The following HIPK2 variants were observed in gnomAD, a reference collection of about 807,000 sequenced individuals.
HIPK2 encodes homeodomain interacting protein kinase 2.
A neutral mutation model predicts 113.7 loss-of-function variants in HIPK2; 27 were observed. The ratio of observed to expected loss-of-function variants is 0.24; its 90% CI spans 0.17 to 0.33. The LOEUF (loss-of-function observed/expected upper bound fraction) is 0.33, where lower values mean the gene tolerates loss of function less well. HIPK2 is among the 10% of genes least tolerant of loss of function. The probability of loss-of-function intolerance (pLI) is 1.00; values close to 1 mark genes in which losing one functional copy is unlikely to be tolerated. For synonymous variants in HIPK2, 631 were observed against 642.2 expected (o/e 0.98, Z 0.26); for missense variants, 1,257 against 1,588.0 (o/e 0.79, Z 3.54).
chr7:139,596,740 C>G lies in HIPK2; in HGVS notation c.2694G>C (p.Glu898Asp). The change falls in exon 12 of 15, where the codon GAG (glutamate) becomes GAC (aspartate). Residue 898 changes from glutamate (E) to aspartate (D), a missense_variant. Glu to Asp is a conservative substitution (Grantham distance 45, BLOSUM62 2). Around this residue, in one of 5 missense-constraint regions of HIPK2, gnomAD observed 862 missense variants for 1,004.3 expected, o/e 0.86. Transcript: ENST00000406875. ...ITISSDTDEE[E>D]EQKHAPTSTV... ...ACCTGGTGGGGGCGTGTTTCTGTTC[C>G]TCCTCCTCGTCCGTGTCACTGCTGA... The G allele has an allele frequency of 6.2e-7, 1 of 1,612,018 alleles. No individual in the cohort carries two copies. The highest frequency in any genetic ancestry group is 8.5e-7 in the Non-Finnish European group (1 of 1,178,142).
At chr7:139,754,686 G>A (rs1585457210) in intron 1 of HIPK2, among the ~76,000 whole-genome samples, 1 of 152,214 alleles carries the variant, frequency 6.6e-6, no homozygotes, top group Admixed American at 6.5e-5. Flanking sequence ...CTAAGAGCCT[G>A]AGAAAACACC....
At chr7:139,686,847 T>C (rs1436685730) in intron 2 of HIPK2, among the ~76,000 whole-genome samples, 2 of 152,268 alleles carry the variant, frequency 1.3e-5, no homozygotes, top group Non-Finnish European at 2.9e-5. Context: ...AGTTCTACTG[T>C]GGCTCAAATG....
chr7:139,717,909 A>G (rs913396509), intron 1 of HIPK2, among the ~76,000 whole-genome samples: 4 of 151,844 alleles, frequency 2.6e-5, no homozygotes, highest in African/African-American at 9.7e-5. Context: ...ACGCCCGACT[A>G]ATTTTTGAAT....
intron 2 of HIPK2, among the ~76,000 whole-genome samples, chr7:139,710,026 A>G (rs1795015774): frequency 6.6e-6 from 1 of 152,164 alleles, no homozygotes; most frequent in Admixed American, 6.5e-5. Context: ...CTGAGTAACA[A>G]CAGTTGTCTC....
intron 10 of HIPK2, among the ~76,000 whole-genome samples, chr7:139,602,984 G>A (rs1337823074): frequency 6.6e-6 from 1 of 152,136 alleles, no homozygotes; most frequent in African/African-American, 2.4e-5. Context: ...CTGTTGCCCA[G>A]GCTGGAGTGG....
chr7:139,764,354 C>A (rs563195689), intron 1 of HIPK2, among the ~76,000 whole-genome samples: 2 of 152,100 alleles, frequency 1.3e-5, no homozygotes, highest in East Asian at 1.9e-4. Flanking sequence ...GTGTTCCTGG[C>A]GACTTTAGAG....
intron 1 of HIPK2, among the ~76,000 whole-genome samples, chr7:139,733,872 C>T (rs1299096472): frequency 6.6e-6 from 1 of 152,174 alleles, no homozygotes. Flanking sequence ...CCTTATATTA[C>T]GGTAACCAAC....
chr7:139,581,715 G>C (rs755412147), intron 13 of HIPK2, among the ~76,000 whole-genome samples: 1 of 152,146 alleles, frequency 6.6e-6, no homozygotes, highest in South Asian at 2.1e-4. Flanking sequence ...CTGCTTTCCC[G>C]ACTTTTCCAA....
intron 1 of HIPK2, among the ~76,000 whole-genome samples, chr7:139,724,098 T>C (rs961654966): frequency 6.6e-5 from 10 of 151,600 alleles, no homozygotes; most frequent in African/African-American, 2.4e-4. Flanking sequence ...ATTATGCACA[T>C]AAGACATAAC....
intron 2 of HIPK2, among the ~76,000 whole-genome samples, chr7:139,692,575 G>T (rs999834454): frequency 6.6e-6 from 1 of 152,168 alleles, no homozygotes; most frequent in African/African-American, 2.4e-5. Context: ...AGAATTTGGG[G>T]TGGGGGAATG....
In HIPK2 at chr7:139,723,095, T is replaced by C. The variant is rs138115051; in HGVS notation, c.20-6080A>G. 7.9e-3 allele frequency among the ~76,000 whole-genome samples: 1,210 copies of C among 152,246 alleles called. 18 individuals are homozygous for C. Among genetic ancestry groups the C allele is most frequent in the African/African-American group, 0.027 (1,135 of 41,552 alleles). ...TCTTAATGGTTTAATGAGAAATTCA[T>C]TGGTCTGGGGCTACAAATAATGTAA... On this transcript the variant is annotated intron_variant, in intron 1 of 14. Transcript: ENST00000406875.
chr7:139,665,519 G>C (rs1802017761), intron 2 of HIPK2, among the ~76,000 whole-genome samples: 1 of 151,992 alleles, frequency 6.6e-6, no homozygotes, highest in Admixed American at 6.6e-5. Context: ...GCGCTGACCT[G>C]GCTCTCCTGG....
rs1585312322 is a variant in HIPK2 at position 139,639,619 on chromosome 7, G to A, written c.1104-7894C>T. On this transcript the variant is annotated intron_variant, in intron 2 of 14. Transcript: ENST00000406875. ...AGAAAGCAGGATGGGCTTCCCAGGA[G>A]GAGTCTGAGCTGAGCCTTAGTAAGT... 2.6e-5 allele frequency among the ~76,000 whole-genome samples: 4 copies of A among 152,304 alleles called. No individual in the cohort carries two copies. The South Asian group carries it at 8.3e-4, about 32-fold the overall frequency.
rs866805017 is a variant in HIPK2 at position 139,636,672 on chromosome 7, G to A, written c.1104-4947C>T. 2.2e-4 allele frequency among the ~76,000 whole-genome samples: 33 copies of A among 152,258 alleles called. No homozygotes were observed. In the Middle Eastern group the frequency reaches 0.01, roughly 47 times the overall value. On this transcript the variant is annotated intron_variant, in intron 2 of 14. Coordinates refer to ENST00000406875, the MANE Select transcript of HIPK2 (RefSeq NM_022740.5). ...AGAGACAAGGAAGGCTCTACCCCTG[G>A]AGCCTTCAGAGGGAGCATGGCCCTG...
intron 13 of HIPK2, among the ~76,000 whole-genome samples, chr7:139,578,360 G>A (rs1207879127): frequency 3.3e-5 from 5 of 152,092 alleles, no homozygotes; most frequent in African/African-American, 1.2e-4. Context: ...TAGCCAGGCT[G>A]GTCGTGAACT....
At chr7:139,603,421 A>T (rs143506835) in intron 10 of HIPK2, among the ~76,000 whole-genome samples, 127 of 152,220 alleles carry the variant, frequency 8.3e-4, no homozygotes, top group African/African-American at 3.0e-3. Flanking sequence ...TCTGTGAGGA[A>T]ATCATGAGTT....
At chr7:139,661,662 T>G (rs1450768396) in intron 2 of HIPK2, among the ~76,000 whole-genome samples, 2 of 152,100 alleles carry the variant, frequency 1.3e-5, no homozygotes, top group African/African-American at 4.8e-5. Flanking sequence ...GCATCACACA[T>G]AAAATACACT....
chr7:139,737,574 A>G (rs1795973504), intron 1 of HIPK2, among the ~76,000 whole-genome samples: 2 of 152,324 alleles, frequency 1.3e-5, no homozygotes, highest in South Asian at 4.1e-4. Flanking sequence ...TTTCTCCTGG[A>G]CTGCAGGAAA....
At chr7:139,610,160 C>T (rs1328646481) in intron 9 of HIPK2, among the ~76,000 whole-genome samples, 1 of 152,226 alleles carries the variant, frequency 6.6e-6, no homozygotes, top group Non-Finnish European at 1.5e-5. Flanking sequence ...ACTGCTGAGT[C>T]TACTGGTTCC....
Sources: gnomAD v4.1 joint callset for allele counts (sites outside exome capture counted in the v4.1 genomes callset) on GRCh38, gnomAD v4.1.1 for gene constraint, gnomAD v4.1.1 regional missense constraint, MANE v1.5 for transcripts, NCBI Gene and HGNC (gene_info 2026-07-23, HGNC 2026-07-21) for gene names.